PTGER3: variants seen among roughly 807,000 people sequenced by gnomAD.
The protein encoded by PTGER3 is prostaglandin E receptor 3, also known as prostaglandin E2 receptor EP3 subtype.
PTGER3 carries 22 observed loss-of-function variants against 34.7 expected under a neutral mutation model. The observed-to-expected ratio is 0.63, with a 90% CI of 0.45 to 0.91. The LOEUF is 0.91. Ranked by LOEUF, PTGER3 falls within the 40% of genes least tolerant of loss-of-function variation. The pLI, the probability that PTGER3 is intolerant of heterozygous loss-of-function variation, is 0.00. For missense variants in PTGER3, 468 were observed against 519.4 expected (o/e 0.90, Z 0.96); for synonymous variants, 241 against 230.1 (o/e 1.05, Z -0.43).
At chr1:70,925,220 G>A (rs906919507) in intron 4 of PTGER3, among the ~76,000 whole-genome samples, 2 of 152,142 alleles carry the variant, frequency 1.3e-5, no homozygotes, top group African/African-American at 2.4e-5. Context: ...GGCCAGTCTG[G>A]TCTTGAACTC....
At chr1:71,038,351 C>T (rs1035609657) in intron 1 of PTGER3, among the ~76,000 whole-genome samples, 2 of 152,090 alleles carry the variant, frequency 1.3e-5, no homozygotes, top group African/African-American at 4.8e-5. Context: ...CTTCCAGTTC[C>T]AACATGGCCT....
chr1:70,874,716 C>A (rs1438243811), intron 4 of PTGER3, among the ~76,000 whole-genome samples: 1 of 152,118 alleles, frequency 6.6e-6, no homozygotes, highest in Non-Finnish European at 1.5e-5. Flanking sequence ...CCTTTCTATA[C>A]TTCTGTTTGT....
At chr1:70,982,048 C>T (rs981204804) in intron 2 of PTGER3, among the ~76,000 whole-genome samples, 2 of 152,096 alleles carry the variant, frequency 1.3e-5, no homozygotes, top group Non-Finnish European at 2.9e-5. Context: ...GAGGTGGATC[C>T]AGGTTTTGTG....
At chr1:70,874,950 GT>G (rs1336279051) in intron 4 of PTGER3, among the ~76,000 whole-genome samples, 1 of 152,076 alleles carries the variant, frequency 6.6e-6, no homozygotes, top group Non-Finnish European at 1.5e-5. Context: ...TCTCCTTTGG[GT>G]TTTCTATTTG....
At chr1:71,008,200 A>G in intron 2 of PTGER3, 6 of 945,416 alleles carry the variant, frequency 6.3e-6, no homozygotes, top group Non-Finnish European at 7.6e-6. Context: ...AGAAATACAT[A>G]ATCTAGTAGA....
At chr1:70,976,116 T>TAA (rs5775038) in intron 2 of PTGER3, among the ~76,000 whole-genome samples, 1 of 148,438 alleles carries the variant, frequency 6.7e-6, no homozygotes, top group East Asian at 2.0e-4. Context: ...AGCAGGAGAT[T>TAA]AAAAAAAAAA....
At chr1:71,011,632 A>T (rs5680) in intron 2 of PTGER3, 400,202 of 982,340 alleles carry the variant, frequency 0.41, 82,868 homozygotes, top group East Asian at 0.67. Context: ...CTAATTATCA[A>T]TCCAAGTAAA....
At chr1:70,891,488 C>T (rs545798086) in intron 4 of PTGER3, among the ~76,000 whole-genome samples, 1 of 152,114 alleles carries the variant, frequency 6.6e-6, no homozygotes, top group South Asian at 2.1e-4. Context: ...CTATTCTTCC[C>T]CTCTTTCACT....
intron 4 of PTGER3, among the ~76,000 whole-genome samples, chr1:70,941,935 A>G (rs989077190): frequency 1.3e-5 from 2 of 152,144 alleles, no homozygotes; most frequent in African/African-American, 4.8e-5. Flanking sequence ...AAAAATCCTC[A>G]AATTTATAAG....
At chr1:70,993,797 TAAG>T (rs1041447643) in intron 2 of PTGER3, among the ~76,000 whole-genome samples, 3 of 152,194 alleles carry the variant, frequency 2.0e-5, no homozygotes, top group African/African-American at 7.2e-5. Flanking sequence ...CAGTGAACAA[TAAG>T]AAGAATTGAT....
chr1:70,950,619 G>C (rs1360178460), downstream of PTGER3: 3 of 152,212 alleles, frequency 2.0e-5, no homozygotes, highest in Non-Finnish European at 4.4e-5. Context: ...GTTCTACAGA[G>C]AGCTAAAACT....
At chr1:70,918,214 G>A (rs1647241233) in intron 4 of PTGER3, among the ~76,000 whole-genome samples, 1 of 151,926 alleles carries the variant, frequency 6.6e-6, no homozygotes, top group Non-Finnish European at 1.5e-5. Flanking sequence ...AATGAAACTA[G>A]ACCTCTATCT....
intron 2 of PTGER3, among the ~76,000 whole-genome samples, chr1:70,980,373 G>A (rs1047441065): frequency 7.9e-5 from 12 of 151,990 alleles, no homozygotes; most frequent in South Asian, 2.1e-4. Context: ...TATTAGCTGC[G>A]TGACCTTGGG....
At chr1:71,011,769 G>GA (rs1252980502) in intron 2 of PTGER3, 2 of 987,840 alleles carry the variant, frequency 2.0e-6, no homozygotes, top group Admixed American at 6.0e-5. Context: ...ATGTAAGGAG[G>GA]AAAAAAGTGA....
intron 4 of PTGER3, among the ~76,000 whole-genome samples, chr1:70,884,276 G>T (rs1239565419): frequency 1.3e-5 from 2 of 152,024 alleles, no homozygotes; most frequent in East Asian, 3.9e-4. Context: ...CCACCCCCTG[G>T]TATACACATG....
intron 1 of PTGER3, among the ~76,000 whole-genome samples, chr1:71,026,546 GA>G (rs1179500524): frequency 1.3e-5 from 2 of 152,036 alleles, no homozygotes. Flanking sequence ...TGCAATGCAG[GA>G]AAATGGAAAA....
chr1:70,966,596 C>T (rs1040644694), downstream of PTGER3, among the ~76,000 whole-genome samples: 6 of 152,126 alleles, frequency 3.9e-5, no homozygotes, highest in African/African-American at 1.4e-4. Context: ...AGTTCCCTCC[C>T]CTCACCCCCG....
chr1:70,970,001 T>A (rs1652917747), downstream of PTGER3, among the ~76,000 whole-genome samples: 1 of 150,330 alleles, frequency 6.7e-6, no homozygotes, highest in South Asian at 2.1e-4. Context: ...AGCTTGTGAG[T>A]GGCACAGCCA....
chr1:70,956,873 T>C (rs1366226033), intron 2 of PTGER3, among the ~76,000 whole-genome samples: 1 of 152,124 alleles, frequency 6.6e-6, no homozygotes, highest in Non-Finnish European at 1.5e-5. Context: ...CCCATGCCTG[T>C]AATCCCAGCT....
Sources: allele counts gnomAD v4.1 joint callset (sites outside exome capture counted in the v4.1 genomes callset), GRCh38; gene constraint gnomAD v4.1.1; transcripts MANE v1.5; gene names NCBI Gene and HGNC (gene_info 2026-07-23, HGNC 2026-07-21).